The following MYO1D variants were observed in gnomAD, a reference collection of about 807,000 sequenced individuals.
MYO1D encodes the protein myosin ID, also known as unconventional myosin-Id.
In MYO1D, 83 loss-of-function variants were observed where a neutral mutation model predicts 122.0. The ratio of observed to expected loss-of-function variants is 0.68; its 90% CI spans 0.57 to 0.82. The LOEUF (loss-of-function observed/expected upper bound fraction) is 0.82. Among genes scored for constraint, MYO1D ranks in the 40% least tolerant of loss-of-function variants. The pLI, the probability that MYO1D is intolerant of heterozygous loss-of-function variation, is 0.00. For synonymous variants in MYO1D, 464 were observed against 446.9 expected (o/e 1.04, Z -0.48); for missense variants, 1,157 against 1,269.5 (o/e 0.91, Z 1.35).
chr17:32,707,201 A>G (rs2089320351), intron 16 of MYO1D, among the ~76,000 whole-genome samples: 1 of 152,232 alleles, frequency 6.6e-6, no homozygotes, highest in South Asian at 2.1e-4. Flanking sequence ...AAAAGGATGA[A>G]CAACCCAATA....
At chr17:32,842,175 G>T (rs936280354) in intron 1 of MYO1D, among the ~76,000 whole-genome samples, 2 of 152,126 alleles carry the variant, frequency 1.3e-5, no homozygotes, top group Non-Finnish European at 2.9e-5. Flanking sequence ...GTCCCTGAAG[G>T]TCAGCGGAAC....
chr17:32,856,740 G>A (rs2091030281), intron 1 of MYO1D, among the ~76,000 whole-genome samples: 2 of 152,060 alleles, frequency 1.3e-5, no homozygotes, highest in South Asian at 4.1e-4. Flanking sequence ...TATTCTGACT[G>A]TCCCTTAAAT....
intron 1 of MYO1D, among the ~76,000 whole-genome samples, chr17:32,821,909 CTT>C (rs2090669001): frequency 6.6e-6 from 1 of 152,130 alleles, no homozygotes; most frequent in South Asian, 2.1e-4. Context: ...AATAGGAACA[CTT>C]TTACACTGTT....
At chr17:32,592,742 A>G (rs2087449437) in intron 21 of MYO1D, among the ~76,000 whole-genome samples, 1 of 151,998 alleles carries the variant, frequency 6.6e-6, no homozygotes, top group African/African-American at 2.4e-5. Flanking sequence ...TGTAAAGTAC[A>G]ACAATGTAGG....
At chr17:32,599,697 T>G (rs906672662) in intron 21 of MYO1D, among the ~76,000 whole-genome samples, 1 of 152,170 alleles carries the variant, frequency 6.6e-6, no homozygotes, top group Non-Finnish European at 1.5e-5. Context: ...CTGTTGCCCA[T>G]GCTGGAGTGC....
chr17:32,702,944 G>A (rs753866937), intron 16 of MYO1D, among the ~76,000 whole-genome samples: 9 of 152,194 alleles, frequency 5.9e-5, no homozygotes, highest in Non-Finnish European at 1.3e-4. Context: ...TTTCCAAAGA[G>A]TTGACAGTTC....
intron 21 of MYO1D, among the ~76,000 whole-genome samples, chr17:32,545,537 A>G (rs1211564226): frequency 6.6e-6 from 1 of 152,178 alleles, no homozygotes; most frequent in Non-Finnish European, 1.5e-5. Flanking sequence ...GAAGACACTC[A>G]CAGAGAATCA....
chr17:32,861,973 G>T (rs969815830), intron 1 of MYO1D, among the ~76,000 whole-genome samples: 2 of 152,174 alleles, frequency 1.3e-5, no homozygotes, highest in African/African-American at 4.8e-5. Context: ...AGCTGAGATT[G>T]TGCCACTGCA....
chr17:32,713,497 G>A (rs2089404758), intron 15 of MYO1D, among the ~76,000 whole-genome samples: 1 of 151,774 alleles, frequency 6.6e-6, no homozygotes, highest in South Asian at 2.1e-4. Flanking sequence ...AGTTATTCTG[G>A]CACACATATT....
intron 21 of MYO1D, among the ~76,000 whole-genome samples, chr17:32,574,494 C>T (rs1349736676): frequency 1.3e-5 from 2 of 152,178 alleles, no homozygotes; most frequent in South Asian, 2.1e-4. Flanking sequence ...TTCTGCAAGT[C>T]TTCTTTTCCT....
intron 1 of MYO1D, among the ~76,000 whole-genome samples, chr17:32,818,125 C>CAAAACAAAAAA (rs2090629030): frequency 2.2e-5 from 1 of 46,018 alleles, no homozygotes; most frequent in Non-Finnish European, 4.7e-5. Context: ...GACTCCGTCT[C>CAAAACAAAAAA]AAAAAAAAAA....
At chr17:32,803,147 T>C (rs1006382505) in intron 1 of MYO1D, among the ~76,000 whole-genome samples, 20 of 152,132 alleles carry the variant, frequency 1.3e-4, no homozygotes, top group South Asian at 6.2e-4. Flanking sequence ...AACTTCCAAT[T>C]TTTCTTTCTT....
intron 17 of MYO1D, among the ~76,000 whole-genome samples, chr17:32,655,762 G>C (rs1385813579): frequency 6.6e-6 from 1 of 152,200 alleles, no homozygotes; most frequent in African/African-American, 2.4e-5. Flanking sequence ...ACAAAGATGG[G>C]ACATGACCTG....
chr17:32,579,603 A>C (rs2087310777), intron 21 of MYO1D, among the ~76,000 whole-genome samples: 1 of 152,166 alleles, frequency 6.6e-6, no homozygotes, highest in Admixed American at 6.5e-5. Context: ...CACTGCACTC[A>C]AACTATCCAT....
Position 32,771,223 on chromosome 17 carries a change from GA to G in MYO1D, c.619-4del, listed in dbSNP as rs1567633997. 4 of 1,589,356 alleles carry G rather than the reference GA, an allele frequency of 2.5e-6. No homozygotes were observed. Among genetic ancestry groups the G allele is most frequent in the East Asian group, 4.5e-5 (2 of 44,492 alleles). On this transcript the variant is annotated splice_polypyrimidine_tract_variant and splice_region_variant and intron_variant, in intron 5 of 21. Coordinates refer to ENST00000318217, the MANE Select transcript of MYO1D (RefSeq NM_015194.3). ...TGTTCTGAACCTCCTTGGAGTAGCTGAAAAATATTTAATTAGAAATAAATTG... is the reference window on the plus strand; with the variant it reads ...TGTTCTGAACCTCCTTGGAGTAGCTGAAAATATTTAATTAGAAATAAATTG...
intron 21 of MYO1D, among the ~76,000 whole-genome samples, chr17:32,590,514 C>T (rs1037648509): frequency 3.3e-5 from 5 of 152,182 alleles, no homozygotes; most frequent in African/African-American, 9.7e-5. Context: ...AGGGAAAGGA[C>T]TGGAAAGGAC....
At chr17:32,621,474 T>C (rs533850043) in intron 20 of MYO1D, among the ~76,000 whole-genome samples, 4 of 152,140 alleles carry the variant, frequency 2.6e-5, no homozygotes, top group Admixed American at 6.5e-5. Context: ...TGGTAGATGA[T>C]AGAATTTATT....
In MYO1D at chr17:32,492,967, C is replaced by T. The variant is rs1908939483; in HGVS notation, c.*1792G>A. ...AGGAAAGAACCCAAACCCAGGCCCT[C>T]CTCCTGCCCTCCAGCCTTTGACAGG... is the stretch of plus-strand genomic sequence containing the variant. On this transcript the variant is annotated 3_prime_UTR_variant, in exon 22 of 22. Transcript: ENST00000318217. 6.6e-6 allele frequency: 1 copy of T among 152,670 alleles called. No homozygotes were observed. Among genetic ancestry groups the T allele is most frequent in the African/African-American group, 2.4e-5 (1 of 41,450 alleles). 9.5% of individuals were successfully genotyped at this position (152,670 alleles called of 1,614,324 possible).
intron 1 of MYO1D, among the ~76,000 whole-genome samples, chr17:32,818,457 A>T (rs1025181220): frequency 6.6e-6 from 1 of 152,218 alleles, no homozygotes; most frequent in African/African-American, 2.4e-5. Context: ...ACGGAGGCAG[A>T]TGCTCGATGG....
Sources: gnomAD v4.1 joint callset for allele counts (sites outside exome capture counted in the v4.1 genomes callset) on GRCh38, gnomAD v4.1.1 for gene constraint, MANE v1.5 for transcripts, NCBI Gene and HGNC (gene_info 2026-07-23, HGNC 2026-07-21) for gene names.